Variants in GTF2B observed in about 807,000 individuals in gnomAD.
The protein encoded by GTF2B is transcription initiation factor IIB.
Under a neutral mutation model 34.6 loss-of-function variants are expected in GTF2B, and 20 were observed. The observed-to-expected ratio is 0.58, with a 90% CI of 0.41 to 0.84. The LOEUF (loss-of-function observed/expected upper bound fraction) is 0.84. Among genes scored for constraint, GTF2B ranks in the 40% least tolerant of loss-of-function variants. GTF2B has a pLI of 0.00. For synonymous variants in GTF2B, 142 were observed against 132.4 expected (o/e 1.07, Z -0.50); for missense variants, 237 against 393.3 (o/e 0.60, Z 3.36).
At chr1:88,873,357 T>C (rs1364054213) in intron 2 of GTF2B, among the ~76,000 whole-genome samples, 1 of 151,798 alleles carries the variant, frequency 6.6e-6, no homozygotes, top group Non-Finnish European at 1.5e-5. Context: ...GCCAGGCTAA[T>C]GCCCAGCTAA....
intron 2 of GTF2B, among the ~76,000 whole-genome samples, chr1:88,868,583 G>C (rs1200103056): frequency 6.6e-6 from 1 of 152,174 alleles, no homozygotes; most frequent in East Asian, 1.9e-4. Flanking sequence ...ATATTCTGAA[G>C]AGAATACGAA....
At position 88,864,114 on chromosome 1, in the gene GTF2B, C is replaced by T; in HGVS notation, c.125G>A (p.Gly42Asp). ...MICPECGLVV[G>D]DRVIDVGSEW... ...AGATCCCACATCAATAACCCGGTCA[C>T]CTAAGAATATAAGCACATATCTGAA... is the stretch of plus-strand genomic sequence containing the variant. Residue 42 changes from glycine to aspartate, a missense_variant and splice_region_variant, in exon 3 of 7, where the codon GGT becomes GAT. Physicochemically the swap from Gly to Asp is moderately conservative, Grantham distance 94 (BLOSUM62 -1). Transcript: ENST00000370500. 6.2e-7 allele frequency: 1 copy of T among 1,613,824 alleles called. No individual in the cohort carries two copies. Among genetic ancestry groups the T allele is most frequent in the Non-Finnish European group, 8.5e-7 (1 of 1,179,760 alleles).
intron 2 of GTF2B, among the ~76,000 whole-genome samples, chr1:88,880,740 C>G (rs1197858799): frequency 1.3e-5 from 2 of 152,128 alleles, no homozygotes; most frequent in Admixed American, 6.5e-5. Flanking sequence ...GGCGCAGTGG[C>G]TCACACCTGT....
At chr1:88,877,606 G>A (rs763926634) in intron 2 of GTF2B, among the ~76,000 whole-genome samples, 1 of 152,096 alleles carries the variant, frequency 6.6e-6, no homozygotes, top group African/African-American at 2.4e-5. Flanking sequence ...TTGGAATTTG[G>A]GAAAAAACCC....
intron 2 of GTF2B, among the ~76,000 whole-genome samples, chr1:88,877,394 C>G (rs184558825): frequency 6.6e-6 from 1 of 152,262 alleles, no homozygotes; most frequent in East Asian, 1.9e-4. Context: ...CAAACAACTC[C>G]TCATTGTGAA....
rs191677310 is a variant in GTF2B at position 88,891,245 on chromosome 1, A to G, written c.17+238T>C. Among the ~76,000 whole-genome samples the G allele has an allele frequency of 3.8e-3, 582 of 152,254 alleles. 10 individuals carry two copies. The highest frequency in any genetic ancestry group is 0.033 in the Admixed American group (503 of 15,292). On this transcript the variant is annotated intron_variant, in intron 1 of 6. Coordinates refer to ENST00000370500, the MANE Select transcript of GTF2B (RefSeq NM_001514.6). The stretch of plus-strand genomic sequence containing the variant: ...GACACAGTAGCCCACCAGGACCCAC[A>G]TAGGGTGATATCTACATAAGACTCC...
chr1:88,877,437 T>C (rs958160657), intron 2 of GTF2B, among the ~76,000 whole-genome samples: 8 of 152,252 alleles, frequency 5.3e-5, no homozygotes, highest in Middle Eastern at 3.2e-3. Flanking sequence ...ACCAATTTTA[T>C]GTTTTAATAG....
At chr1:88,875,712 A>C (rs1673802939) in intron 2 of GTF2B, among the ~76,000 whole-genome samples, 1 of 152,206 alleles carries the variant, frequency 6.6e-6, no homozygotes, top group Non-Finnish European at 1.5e-5. Flanking sequence ...AAGATCTGTA[A>C]TGTAGCTTTT....
Position 88,857,126 on chromosome 1 carries a change from C to T in GTF2B, c.817+80G>A, listed in dbSNP as rs7534197. On this transcript the variant is annotated intron_variant, in intron 6 of 6. Transcript: ENST00000370500. ...AAATGTGGGTTTCTTGCTATTTACC[C>T]GGTTCAGACTTAAAATGGAAAAACA... The T allele has an allele frequency of 0.054, 70,165 of 1,307,232 alleles. 6,300 individuals are homozygous for T. Among genetic ancestry groups the T allele is most frequent in the African/African-American group, 0.39 (26,349 of 68,026 alleles). The allele number at this position is 1,307,232 out of a possible 1,614,324, so 81.0% of individuals were successfully genotyped here. A position where few individuals can be genotyped will look rare whatever the true frequency, so the allele number is the denominator to read the frequency against.
chr1:88,853,436 A>T (rs1037990688), intron 6 of GTF2B, 90 bp from the exon 7 acceptor site: 11 of 1,172,624 alleles, frequency 9.4e-6, no homozygotes, highest in Non-Finnish European at 8.7e-6. Context: ...ATGATAGTAT[A>T]AAGTGCCAAA....
At chr1:88,863,054 T>G (rs1673478939) in intron 3 of GTF2B, among the ~76,000 whole-genome samples, 2 of 152,022 alleles carry the variant, frequency 1.3e-5, no homozygotes, top group South Asian at 4.1e-4. Flanking sequence ...ACCGTCACTA[T>G]TACTTCCAAC....
intron 1 of GTF2B, among the ~76,000 whole-genome samples, chr1:88,888,225 T>C (rs1386434207): frequency 2.0e-5 from 3 of 152,208 alleles, no homozygotes; most frequent in African/African-American, 7.2e-5. Flanking sequence ...CAAAATCAAC[T>C]GTTCTTATAG....
chr1:88,875,509 G>A (rs1264209698), intron 2 of GTF2B, among the ~76,000 whole-genome samples: 1 of 152,202 alleles, frequency 6.6e-6, no homozygotes, highest in East Asian at 1.9e-4. Flanking sequence ...CTGGTTGAAG[G>A]TGTATCCTAA....
chr1:88,872,279 C>A (rs1206082268), intron 2 of GTF2B, among the ~76,000 whole-genome samples: 1 of 151,204 alleles, frequency 6.6e-6, no homozygotes, highest in Non-Finnish European at 1.5e-5. Flanking sequence ...CATAGTGAAA[C>A]CCGGTCTCTA....
intron 1 of GTF2B, among the ~76,000 whole-genome samples, chr1:88,888,409 T>C (rs537250719): frequency 2.6e-5 from 4 of 152,306 alleles, no homozygotes; most frequent in African/African-American, 7.2e-5. Flanking sequence ...AATCTTCTCA[T>C]TGGGAACACG....
In GTF2B at chr1:88,891,554, G is replaced by C; in HGVS notation, c.-55C>G. ...GACACAACAGACACACCGAAAGCAG[G>C]AAGCGAATGTGGCGAAGAGACGCGC... On this transcript the variant is annotated 5_prime_UTR_variant, in exon 1 of 7. Coordinates refer to ENST00000370500, the MANE Select transcript of GTF2B (RefSeq NM_001514.6). 6.5e-7 allele frequency: 1 copy of C among 1,542,802 alleles called. No individual in the cohort carries two copies. Among genetic ancestry groups the C allele is most frequent in the Non-Finnish European group, 8.9e-7 (1 of 1,127,062 alleles).
intron 2 of GTF2B, among the ~76,000 whole-genome samples, chr1:88,874,745 T>A (rs1253534334): frequency 6.6e-6 from 1 of 152,110 alleles, no homozygotes; most frequent in Admixed American, 6.5e-5. Flanking sequence ...GCATACAACC[T>A]GTAGTAGAGA....
In GTF2B at chr1:88,884,022, AC is replaced by A. The variant is rs1391011894; in HGVS notation, c.124+3238del. Among the ~76,000 whole-genome samples the A allele has an allele frequency of 2.3e-5, 3 of 128,524 alleles. No individual in the cohort carries two copies. The Admixed American group carries it at 2.4e-4, about 10-fold the overall frequency. 84.3% of individuals were successfully genotyped at this position (128,524 alleles called of 152,430 possible). On this transcript the variant is annotated intron_variant, in intron 2 of 6. Transcript: ENST00000370500. ...AGTTCTTCTGTCAAGCTCAGCACTG[AC>A]TTTTTTTTTTTTTTTTTTTTTTGAG... is the stretch of plus-strand genomic sequence containing the variant.
intron 2 of GTF2B, among the ~76,000 whole-genome samples, chr1:88,866,072 T>A (rs1673553268): frequency 6.6e-6 from 1 of 151,966 alleles, no homozygotes; most frequent in African/African-American, 2.4e-5. Flanking sequence ...GTGATAGATT[T>A]AAAAAAAGGC....
Sources: gnomAD v4.1 joint callset for allele counts (sites outside exome capture counted in the v4.1 genomes callset) on GRCh38, gnomAD v4.1.1 for gene constraint, MANE v1.5 for transcripts, NCBI Gene and HGNC (gene_info 2026-07-23, HGNC 2026-07-21) for gene names.